Variants in CRYBG3 observed in about 807,000 individuals in gnomAD.
CRYBG3 encodes the protein very large A-kinase anchor protein.
A neutral mutation model predicts 244.2 loss-of-function variants in CRYBG3; 127 were observed. The observed-to-expected ratio is 0.52, with a 90% CI of 0.45 to 0.60. The LOEUF is 0.60. Ranked by LOEUF, CRYBG3 falls within the 20% of genes least tolerant of loss-of-function variation. The pLI is 0.00. For missense variants in CRYBG3, 3,325 were observed against 3,442.5 expected, an observed-to-expected ratio of 0.97 and a Z score of 0.85; for synonymous variants, 1,132 against 1,195.8, an observed-to-expected ratio of 0.95 and a Z score of 1.10.
chr3:97,908,878 G>C (rs1262343536), intron 15 of CRYBG3, among the ~76,000 whole-genome samples: 1 of 152,152 alleles, frequency 6.6e-6, no homozygotes, highest in African/African-American at 2.4e-5. Context: ...TTTTGCAGCG[G>C]CTGGTACTGG....
chr3:97,940,458 A>G (rs1343446024), intron 19 of CRYBG3, among the ~76,000 whole-genome samples: 1 of 152,056 alleles, frequency 6.6e-6, no homozygotes, highest in Non-Finnish European at 1.5e-5. Flanking sequence ...TGCTGCTTAC[A>G]CATACTACGT....
chr3:97,886,786 T>A lies in CRYBG3; in HGVS notation c.7289+19T>A, dbSNP rs571267735. ...CAGGAGTGTACGTATCAGTTCCTTT[T>A]TATTATAGTGATTGATGGCCACCAA... On this transcript the variant is annotated intron_variant, in intron 8 of 21. Coordinates refer to ENST00000389622, the MANE Select transcript of CRYBG3 (RefSeq NM_153605.4). 1.3e-6 allele frequency: 2 copies of A among 1,531,536 alleles called. No individual in the cohort carries two copies. The highest frequency in any genetic ancestry group is 1.4e-5 in the African/African-American group (1 of 71,380). The allele number at this position is 1,531,536 out of a possible 1,614,324, so 94.9% of individuals were successfully genotyped here.
rs1329876549 is a variant in CRYBG3, at chr3:97,874,934, A to G, written c.3740A>G (p.Asn1247Ser). The G allele has an allele frequency of 2.0e-6, 3 of 1,535,746 alleles. No individual in the cohort carries two copies. The highest frequency in any genetic ancestry group is 2.6e-6 in the Non-Finnish European group (3 of 1,146,762). The change falls in exon 4 of 22, where the codon AAC becomes AGC. Residue 1247 changes from asparagine to serine, a missense_variant. Coordinates refer to ENST00000389622, the MANE Select transcript of CRYBG3 (RefSeq NM_153605.4). ...GTLKEDISEK[N>S]PSEVTLTEIQ... ...CTGAAAGAAGACATCTCTGAGAAAA[A>G]CCCATCAGAAGTGACACTAACAGAA...
In CRYBG3 at chr3:97,936,902, G is replaced by A. The variant is rs1206899941; in HGVS notation, c.8499G>A (p.Met2833Ile). 6 of 1,612,116 alleles carry A rather than the reference G, an allele frequency of 3.7e-6. No homozygotes were observed. In the Admixed American group the frequency reaches 6.7e-5, roughly 18 times the overall value. ...RWKTIGSLRP[M>I]KQPAVYIRIK... ...AAACAATTGGTTCCCTCCGTCCTAT[G>A]AAGCAGGTAAGGAGAAAAGAACCAT... The change falls in exon 19 of 22, where the codon ATG becomes ATA. Residue 2833 changes from methionine (M) to isoleucine (I), a missense_variant. Transcript: ENST00000389622.
chr3:97,893,529 G>A (rs181198824), intron 11 of CRYBG3, among the ~76,000 whole-genome samples: 64 of 152,340 alleles, frequency 4.2e-4, no homozygotes, highest in Middle Eastern at 3.4e-3. Flanking sequence ...CGCAGTCTTA[G>A]TCAGCAGTTC....
At chr3:97,900,046 A>G (rs2039688289) in intron 14 of CRYBG3, among the ~76,000 whole-genome samples, 1 of 152,242 alleles carries the variant, frequency 6.6e-6, no homozygotes, top group South Asian at 2.1e-4. Context: ...AAATAGGTCA[A>G]ACCATGAAAA....
chr3:97,942,661 T>A, intron 21 of CRYBG3: 1 of 424,100 alleles, frequency 2.4e-6, no homozygotes, highest in Non-Finnish European at 4.2e-6. Context: ...AGTACAGTTG[T>A]AAAACTTTCA....
intron 1 of CRYBG3, chr3:97,840,734 C>T (rs2038799673): frequency 6.6e-6 from 1 of 152,066 alleles, no homozygotes; most frequent in African/African-American, 2.4e-5. Context: ...TTTCAGCAAT[C>T]TTGAAGCATG....
At chr3:97,870,731 CCTTTA>C (rs1293986587) in intron 3 of CRYBG3, among the ~76,000 whole-genome samples, 5 of 152,114 alleles carry the variant, frequency 3.3e-5, no homozygotes, top group Non-Finnish European at 7.4e-5. Flanking sequence ...AAGTATCATT[CCTTTA>C]CTTATTCATT....
rs2039337315 is a variant in CRYBG3, at chr3:97,873,947, A to G, written c.2753A>G (p.Tyr918Cys). The change falls in exon 4 of 22, where the codon TAT (tyrosine) becomes TGT (cysteine). Residue 918 changes from tyrosine (Y) to cysteine (C), a missense_variant. Physicochemically the swap from Tyr to Cys is radical, Grantham distance 194 (BLOSUM62 -2). Around this residue, in one of 4 missense-constraint regions of CRYBG3, gnomAD observed 1,526 missense variants for 1,443.2 expected, o/e 1.06. Coordinates refer to ENST00000389622, the MANE Select transcript of CRYBG3 (RefSeq NM_153605.4). ...QAELSPAASK[Y>C]EDKPEPEVDA... The stretch of plus-strand genomic sequence containing the variant: ...GAGCTTTCTCCTGCTGCCTCCAAAT[A>G]TGAAGATAAGCCAGAACCAGAGGTA... The G allele has an allele frequency of 2.6e-6, 4 of 1,535,714 alleles. No homozygotes were observed. Among genetic ancestry groups the G allele is most frequent in the African/African-American group, 2.7e-5 (2 of 73,144 alleles).
intron 19 of CRYBG3, among the ~76,000 whole-genome samples, chr3:97,937,691 G>A (rs1173529837): frequency 1.3e-5 from 2 of 152,022 alleles, no homozygotes; most frequent in Admixed American, 1.3e-4. Context: ...AGAAAACCCT[G>A]TGAAGTCAAG....
rs1227857555 is a variant in CRYBG3, at chr3:97,864,566, A to G, written c.566A>G (p.Asp189Gly). 6.5e-7 allele frequency: 1 copy of G among 1,535,768 alleles called. No homozygotes were observed. The highest frequency in any genetic ancestry group is 2.0e-5 in the Admixed American group (1 of 50,972). ...CAGACACATCCAACAGAAGAACAAGACTCTAACTCATCCGAACTCTCAGAT... is the reference window on the plus strand; with the variant it reads ...CAGACACATCCAACAGAAGAACAAGGCTCTAACTCATCCGAACTCTCAGAT... ...RTQTHPTEEQ[D>G]SNSSELSDAF... The change falls in exon 3 of 22, where the codon GAC becomes GGC. Residue 189 changes from aspartate to glycine, a missense_variant. Coordinates refer to ENST00000389622, the MANE Select transcript of CRYBG3 (RefSeq NM_153605.4).
chr3:97,857,724 A>G (rs1032850120), intron 2 of CRYBG3, among the ~76,000 whole-genome samples: 7 of 151,910 alleles, frequency 4.6e-5, no homozygotes, highest in African/African-American at 1.7e-4. Flanking sequence ...ATGTGAAGTG[A>G]GTTTCTTTTA....
chr3:97,877,717 T>A lies in CRYBG3; in HGVS notation c.6523T>A (p.Leu2175Met), dbSNP rs551119284. 7 of 1,613,928 alleles carry A rather than the reference T, an allele frequency of 4.3e-6. No homozygotes were observed. In the African/African-American group the frequency reaches 8.0e-5, roughly 18 times the overall value. The change falls in exon 4 of 22, where the codon TTG (leucine) becomes ATG (methionine). Residue 2175 changes from leucine (L) to methionine (M), a missense_variant. By Grantham distance (15) the Leu-to-Met change is conservative. This residue lies in a region of CRYBG3 where 450 missense variants were observed against 424.1 expected (regional missense o/e 1.06). Transcript: ENST00000389622. ...AAGTGGGGAGCGTGTTACCTTCCAG[T>A]TGCCAGATCCTTCCATCACATTTTA... ...AGSGERVTFQ[L>M]PDPSITFYPD...
intron 15 of CRYBG3, among the ~76,000 whole-genome samples, chr3:97,910,057 CTCAGGGG>C (rs1300180527): frequency 6.6e-6 from 1 of 151,732 alleles, no homozygotes; most frequent in East Asian, 1.9e-4. Context: ...AGTTAGGCTG[CTCAGGGG>C]TCAGGGGTCA....
rs771151543 is a variant in CRYBG3, at chr3:97,941,297, T to G, written c.8655T>G (p.Phe2885Leu). The change falls in exon 20 of 22, where the codon TTT (phenylalanine) becomes TTG (leucine). Residue 2885 changes from phenylalanine (F) to leucine (L), a missense_variant. This residue lies in a region of CRYBG3 where 714 missense variants were observed against 803.6 expected (regional missense o/e 0.89). Transcript: ENST00000389622. Reference protein sequence around the residue: ...TQIWYYCRGLFKSKASDTCLD... With the variant: ...TQIWYYCRGLLKSKASDTCLD... ...TCTGGTACTACTGCCGAGGACTCTT[T>G]AAATCCAAGGTAAGCAATCCCACTG... The G allele has an allele frequency of 6.2e-7, 1 of 1,606,018 alleles. No individual in the cohort carries two copies. Among genetic ancestry groups the G allele is most frequent in the Admixed American group, 1.7e-5 (1 of 59,228 alleles).
rs566367095 is a variant in CRYBG3, at chr3:97,871,419, G to T, written c.648-423G>T. Among the ~76,000 whole-genome samples the T allele has an allele frequency of 2.6e-5, 4 of 152,270 alleles. No individual in the cohort carries two copies. The South Asian group carries it at 8.3e-4, about 32-fold the overall frequency. On this transcript the variant is annotated intron_variant, in intron 3 of 21. Transcript: ENST00000389622. Reference sequence around the variant, plus strand: ...ACATGTAAGAGTAAAGGAATAGAAGGTCATTATGATGCTTTAATGTGGTGG... The same window carrying T: ...ACATGTAAGAGTAAAGGAATAGAAGTTCATTATGATGCTTTAATGTGGTGG...
In CRYBG3 at chr3:97,900,479, G is replaced by A. The variant is rs778235865; in HGVS notation, c.7998G>A (p.Pro2666=). Residue 2666 remains proline (P), a synonymous_variant, in exon 15 of 22, where the codon CCG becomes CCA. Transcript: ENST00000389622. ...QLEPLGINEP[P]HLLKAFSKPG... ...AACCACTTGGGATAAATGAACCTCCGCATTTGGTATGTTTAAAAATATTCT... is the reference window on the plus strand; with the variant it reads ...AACCACTTGGGATAAATGAACCTCCACATTTGGTATGTTTAAAAATATTCT... The A allele has an allele frequency of 2.0e-5, 31 of 1,550,776 alleles. No individual in the cohort carries two copies. The highest frequency in any genetic ancestry group is 5.4e-5 in the African/African-American group (4 of 73,588).
rs769621576 is a variant in CRYBG3, at chr3:97,882,277, T to G, written c.7152+1058T>G. On this transcript the variant is annotated intron_variant, in intron 7 of 21. Coordinates refer to ENST00000389622, the MANE Select transcript of CRYBG3 (RefSeq NM_153605.4). ...ACTCCTAATTAGTATACACTGTTCC[T>G]AATTAGAAGTATACTATTCAGGAAT... is the stretch of plus-strand genomic sequence containing the variant. Among the ~76,000 whole-genome samples, 6 of 152,252 alleles carry G rather than the reference T, an allele frequency of 3.9e-5. No individual in the cohort carries two copies. The Middle Eastern group carries it at 0.01, about 259-fold the overall frequency.
Sources: allele counts gnomAD v4.1 joint callset (sites outside exome capture counted in the v4.1 genomes callset), GRCh38; gene constraint gnomAD v4.1.1; regional missense constraint gnomAD v4.1.1; transcripts MANE v1.5; gene names NCBI Gene and HGNC (gene_info 2026-07-23, HGNC 2026-07-21).